AHI1: variants seen among roughly 807,000 people sequenced by gnomAD.
AHI1 encodes Abelson helper integration site 1, also known as jouberin.
In AHI1, 123 loss-of-function variants were observed where a neutral mutation model predicts 149.3. That is an observed-to-expected ratio of 0.82 (90% CI 0.71 to 0.96). The LOEUF is 0.96. Ranked by LOEUF, AHI1 falls within the 40% of genes least tolerant of loss-of-function variation. The probability of loss-of-function intolerance (pLI) is 0.00; values close to 1 mark genes in which losing one functional copy is unlikely to be tolerated. For synonymous variants in AHI1, 475 were observed against 459.8 expected (o/e 1.03, Z -0.42); for missense variants, 1,439 against 1,422.7 (o/e 1.01, Z -0.18).
rs760462407 is a variant in AHI1 at position 135,433,040 on chromosome 6, A to G, written c.2253T>C (p.Cys751=). 3 of 1,611,196 alleles carry G rather than the reference A, an allele frequency of 1.9e-6. No homozygotes were observed. In the Admixed American group the frequency reaches 5.0e-5, roughly 27 times the overall value. The stretch of plus-strand genomic sequence containing the variant: ...TCTCTGACATACCTTCAGTATCAAA[A>G]CAAAGTGAGTTGATAAAACTTTTGT... ...DVHKSFINSL[C]FDTEGHHMYS... Residue 751 remains cysteine (C), a synonymous_variant, in exon 16 of 29, where the codon TGT becomes TGC. Coordinates refer to ENST00000265602, the MANE Select transcript of AHI1 (RefSeq NM_001134831.2).
At chr6:135,467,475 G>A (rs1790956823) in intron 6 of AHI1, 106 bp downstream of exon 6, 3 of 912,924 alleles carry the variant, frequency 3.3e-6, no homozygotes, top group Non-Finnish European at 5.3e-6. Flanking sequence ...TAACTGATGT[G>A]TTGAAAAACA....
chr6:135,287,299 A>C (rs6904233), intron 28 of AHI1, among the ~76,000 whole-genome samples: 10,353 of 152,284 alleles, frequency 0.068, 661 homozygotes, highest in African/African-American at 0.17. Context: ...ATTCAACTCG[A>C]AAAATCTAAA....
intron 23 of AHI1, among the ~76,000 whole-genome samples, chr6:135,382,695 T>C (rs1776931178): frequency 6.6e-6 from 1 of 151,770 alleles, no homozygotes; most frequent in African/African-American, 2.4e-5. Context: ...AGACACAAAC[T>C]AAAATGTTTA....
rs547559584 is a variant in AHI1 at position 135,387,504 on chromosome 6, G to A, written c.3109+7272C>T. Among the ~76,000 whole-genome samples, 4 of 152,286 alleles carry A rather than the reference G, an allele frequency of 2.6e-5. No individual in the cohort carries two copies. In the South Asian group the frequency reaches 6.2e-4, roughly 24 times the overall value. ...CAAAGACGGCTTAAGGGTGGTACTC[G>A]TGTAGAAAGCTAAAGTTTGGAAAGT... is the stretch of plus-strand genomic sequence containing the variant. On this transcript the variant is annotated intron_variant, in intron 23 of 28. Transcript: ENST00000265602.
intron 24 of AHI1, among the ~76,000 whole-genome samples, chr6:135,350,773 G>C (rs189695513): frequency 2.4e-4 from 37 of 152,282 alleles, no homozygotes; most frequent in African/African-American, 8.7e-4. Flanking sequence ...GGGTGAGTGG[G>C]AGAAAGGTTG....
intron 24 of AHI1, among the ~76,000 whole-genome samples, chr6:135,347,502 TG>T (rs1791409499): frequency 6.6e-6 from 1 of 152,216 alleles, no homozygotes; most frequent in Non-Finnish European, 1.5e-5. Flanking sequence ...TAAATCTAAA[TG>T]GTTCTAGAAG....
intron 5 of AHI1, among the ~76,000 whole-genome samples, chr6:135,471,787 T>C (rs891860716): frequency 2.0e-5 from 3 of 148,382 alleles, no homozygotes; most frequent in Admixed American, 6.7e-5. Flanking sequence ...CCGAGGCGGG[T>C]GGATCATGAG....
At chr6:135,404,809 T>C (rs990131055) in intron 22 of AHI1, 142 bp downstream of exon 22, 1 of 673,800 alleles carries the variant, frequency 1.5e-6, no homozygotes, top group South Asian at 2.0e-5. Context: ...TGTAATTCTG[T>C]GATAAAGCTG....
chr6:135,369,834 C>T (rs1774763154), intron 23 of AHI1, among the ~76,000 whole-genome samples: 1 of 152,104 alleles, frequency 6.6e-6, no homozygotes, highest in Non-Finnish European at 1.5e-5. Flanking sequence ...ATCTTCAGGT[C>T]TAGACTATAA....
chr6:135,368,696 G>C (rs1774571601), intron 23 of AHI1, among the ~76,000 whole-genome samples: 1 of 152,118 alleles, frequency 6.6e-6, no homozygotes, highest in Non-Finnish European at 1.5e-5. Context: ...AGTAGTTACA[G>C]GCCTCACCCA....
chr6:135,351,975 T>A (rs1248169363), intron 24 of AHI1, among the ~76,000 whole-genome samples: 6 of 152,194 alleles, frequency 3.9e-5, no homozygotes, highest in Admixed American at 3.9e-4. Flanking sequence ...TCTCCCTTTT[T>A]AACTACAACT....
At chr6:135,373,717 A>G (rs1275243407) in intron 23 of AHI1, among the ~76,000 whole-genome samples, 1 of 152,172 alleles carries the variant, frequency 6.6e-6, no homozygotes, top group Non-Finnish European at 1.5e-5. Flanking sequence ...ACAAAGACAA[A>G]CAGATAGGCT....
Position 135,442,710 on chromosome 6 carries a change from CA to C in AHI1, c.1783del (p.Cys595AlafsTer11), listed in dbSNP as rs1369671143. 6.2e-7 allele frequency: 1 copy of C among 1,602,610 alleles called. No homozygotes were observed. The highest frequency in any genetic ancestry group is 1.7e-5 in the Admixed American group (1 of 58,346). On this transcript the variant is annotated frameshift_variant, in exon 14 of 29. Coordinates refer to ENST00000265602, the MANE Select transcript of AHI1 (RefSeq NM_001134831.2). LOFTEE classifies it high-confidence loss of function. Reference protein sequence around the residue: ...IKWKRLPGQACRIPNKHLFSL... With the variant: ...IKWKRLPGQAXRIPNKHLFSL... The stretch of plus-strand genomic sequence containing the variant: ...GAAGAGGTGTTTGTTTGGGATACGG[CA>C]AGCCTAAAAAACATACGTTTAAAAA...
At chr6:135,458,704 G>T (rs189136196) in intron 8 of AHI1, among the ~76,000 whole-genome samples, 57 of 152,276 alleles carry the variant, frequency 3.7e-4, no homozygotes, top group African/African-American at 1.4e-3. Context: ...ATGCTTGGGG[G>T]CTACAGTGAC....
At chr6:135,478,797 C>T (rs142511543) in intron 5 of AHI1, among the ~76,000 whole-genome samples, 3 of 152,364 alleles carry the variant, frequency 2.0e-5, no homozygotes, top group Non-Finnish European at 4.4e-5. Context: ...CTTCCTATCA[C>T]AGGCCTGGAA....
intron 24 of AHI1, among the ~76,000 whole-genome samples, chr6:135,329,764 CCTT>C (rs1788256585): frequency 6.6e-6 from 1 of 152,156 alleles, no homozygotes; most frequent in Non-Finnish European, 1.5e-5. Context: ...AAGTTGAAAA[CCTT>C]CTGGAAAGGA....
At chr6:135,434,158 C>T (rs1336348679) in intron 15 of AHI1, among the ~76,000 whole-genome samples, 1 of 151,578 alleles carries the variant, frequency 6.6e-6, no homozygotes, top group African/African-American at 2.4e-5. Context: ...TGCTTGAAAA[C>T]TAAAGCAAAT....
chr6:135,343,691 A>G (rs1016700155), intron 24 of AHI1, among the ~76,000 whole-genome samples: 33 of 151,604 alleles, frequency 2.2e-4, no homozygotes, highest in African/African-American at 7.2e-4. Flanking sequence ...TTTTTCAACA[A>G]CAGCTAAATG....
intron 25 of AHI1, among the ~76,000 whole-genome samples, chr6:135,319,312 C>T (rs990421187): frequency 6.6e-6 from 1 of 152,084 alleles, no homozygotes; most frequent in African/African-American, 2.4e-5. Flanking sequence ...CCCATCCCTA[C>T]CCAAAAATAT....
Sources: allele counts gnomAD v4.1 joint callset (sites outside exome capture counted in the v4.1 genomes callset), GRCh38; gene constraint gnomAD v4.1.1; transcripts MANE v1.5; gene names NCBI Gene and HGNC (gene_info 2026-07-23, HGNC 2026-07-21).